RPS6KB1: variants seen among roughly 807,000 people sequenced by gnomAD.
RPS6KB1 encodes ribosomal protein S6 kinase beta-1.
Under a neutral mutation model 70.2 loss-of-function variants are expected in RPS6KB1, and 12 were observed. That is an observed-to-expected ratio of 0.17 (90% CI 0.11 to 0.28). The LOEUF is 0.28. Among genes scored for constraint, RPS6KB1 ranks in the 10% least tolerant of loss-of-function variants. The probability of loss-of-function intolerance (pLI) is 1.00; values close to 1 mark genes in which losing one functional copy is unlikely to be tolerated. For synonymous variants in RPS6KB1, 175 were observed against 211.2 expected (o/e 0.83, Z 1.49); for missense variants, 270 against 646.6 (o/e 0.42, Z 6.32).
Position 59,946,950 on chromosome 17 carries a change from A to G in RPS6KB1, c.*162A>G. ...AAATAAACGTGGATTTTAAAAAATCAATCAATGGTGCAAAAAAAAACTTAA... is the reference window on the plus strand; with the variant it reads ...AAATAAACGTGGATTTTAAAAAATCGATCAATGGTGCAAAAAAAAACTTAA... On this transcript the variant is annotated 3_prime_UTR_variant, in exon 15 of 15. Coordinates refer to ENST00000225577, the MANE Select transcript of RPS6KB1 (RefSeq NM_003161.4). This position sits in a 1 kb window ranked among gnomAD's most constrained non-coding sequence, Gnocchi z 4.2. 6.8e-7 allele frequency: 1 copy of G among 1,462,044 alleles called. No homozygotes were observed. The allele number at this position is 1,462,044 out of a possible 1,614,324, so 90.6% of individuals were successfully genotyped here.
chr17:59,941,023 C>T, intron 13 of RPS6KB1, 80 bp downstream of exon 13: 3 of 849,094 alleles, frequency 3.5e-6, no homozygotes, highest in Non-Finnish European at 5.6e-6. Flanking sequence ...AGTTTGCTTG[C>T]TTTGCAGTTC....
chr17:59,934,610 G>C lies in RPS6KB1; in HGVS notation c.870+86G>C, dbSNP rs1163581799. 2 of 974,990 alleles carry C rather than the reference G, an allele frequency of 2.1e-6. No homozygotes were observed. Among genetic ancestry groups the C allele is most frequent in the Admixed American group, 2.4e-5 (1 of 42,214 alleles). The allele number at this position is 974,990 out of a possible 1,614,324, so 60.4% of individuals were successfully genotyped here. A position where few individuals can be genotyped will look rare whatever the true frequency, so the allele number is the denominator to read the frequency against. On this transcript the variant is annotated intron_variant, in intron 9 of 14. Coordinates refer to ENST00000225577, the MANE Select transcript of RPS6KB1 (RefSeq NM_003161.4). This position sits in a 1 kb window ranked among gnomAD's most constrained non-coding sequence, Gnocchi z 4.8. ...GACCTGTCCTGTGCTTTCTGAACATGTTACCAGTGGAGTTTTCAAAGCCCA... is the reference window on the plus strand; with the variant it reads ...GACCTGTCCTGTGCTTTCTGAACATCTTACCAGTGGAGTTTTCAAAGCCCA...
intron 1 of RPS6KB1, among the ~76,000 whole-genome samples, chr17:59,896,123 TG>T (rs2144649320): frequency 6.6e-6 from 1 of 152,338 alleles, no homozygotes; most frequent in Admixed American, 6.5e-5. Context: ...GGGAGAAAAC[TG>T]GATAGGAAGG....
intron 1 of RPS6KB1, among the ~76,000 whole-genome samples, chr17:59,905,265 C>T (rs1248277176): frequency 6.6e-6 from 1 of 152,120 alleles, no homozygotes; most frequent in African/African-American, 2.4e-5. Context: ...ACCTCAGCCT[C>T]CCAAAGTGTT....
chr17:59,934,958 G>T lies in RPS6KB1; in HGVS notation c.871-235G>T. 2.4e-6 allele frequency: 1 copy of T among 412,660 alleles called. No individual in the cohort carries two copies. Among genetic ancestry groups the T allele is most frequent in the Non-Finnish European group, 4.4e-6 (1 of 227,594 alleles). The allele number at this position is 412,660 out of a possible 1,614,324, so 25.6% of individuals were successfully genotyped here. A position where few individuals can be genotyped will look rare whatever the true frequency, so the allele number is the denominator to read the frequency against. On this transcript the variant is annotated intron_variant, in intron 9 of 14. Transcript: ENST00000225577. The surrounding 1 kb of genome is among the most constrained non-coding windows in gnomAD (Gnocchi z 4.8). Reference sequence around the variant, plus strand: ...CCTAAGCTACTCAGGAGGCTGAGGTGGGAGGATCATTTGAGCTAAGGATTA... The same window carrying T: ...CCTAAGCTACTCAGGAGGCTGAGGTTGGAGGATCATTTGAGCTAAGGATTA...
rs1250713348 is a variant in RPS6KB1 at position 59,948,830 on chromosome 17, A to G, written c.*2042A>G. 2 of 152,546 alleles carry G rather than the reference A, an allele frequency of 1.3e-5. No individual in the cohort carries two copies. Among genetic ancestry groups the G allele is most frequent in the Non-Finnish European group, 2.9e-5 (2 of 67,988 alleles). The allele number at this position is 152,546 out of a possible 1,614,324, so 9.4% of individuals were successfully genotyped here. ...AATTTGTGATGTCTGAAAAAACAGA[A>G]CCCGAAAAGCTATGGTGATATGTAC... is the stretch of plus-strand genomic sequence containing the variant. On this transcript the variant is annotated 3_prime_UTR_variant, in exon 15 of 15. Transcript: ENST00000225577.
intron 10 of RPS6KB1, among the ~76,000 whole-genome samples, chr17:59,935,578 G>A (rs1432024988): frequency 6.6e-6 from 1 of 151,676 alleles, no homozygotes; most frequent in Non-Finnish European, 1.5e-5. Context: ...AGGTTCAAGC[G>A]ATTCTTCCGC....
chr17:59,930,325 G>A (rs2043859878), intron 6 of RPS6KB1, 151 bp downstream of exon 6: 1 of 687,106 alleles, frequency 1.5e-6, no homozygotes, highest in African/African-American at 1.8e-5. Context: ...GGACTGGGCA[G>A]CTATGGAGGT....
chr17:59,906,999 A>G (rs930674141), intron 1 of RPS6KB1: 19 of 137,446 alleles, frequency 1.4e-4, no homozygotes, highest in Non-Finnish European at 2.6e-4. Context: ...GGTCCCTTGC[A>G]TTTCTTCTTT....
chr17:59,934,978 G>T lies in RPS6KB1; in HGVS notation c.871-215G>T. ...GAGGTGGGAGGATCATTTGAGCTAA[G>T]GATTATTAATAGAATCTAGCCTTGA... On this transcript the variant is annotated intron_variant, in intron 9 of 14. Coordinates refer to ENST00000225577, the MANE Select transcript of RPS6KB1 (RefSeq NM_003161.4). The surrounding 1 kb of genome is among the most constrained non-coding windows in gnomAD (Gnocchi z 4.8). 1 of 443,712 alleles carries T rather than the reference G, an allele frequency of 2.3e-6. No homozygotes were observed. 27.5% of individuals were successfully genotyped at this position (443,712 alleles called of 1,614,324 possible). A position where few individuals can be genotyped will look rare whatever the true frequency, so the allele number is the denominator to read the frequency against.
chr17:59,939,194 T>G (rs1487406326), intron 12 of RPS6KB1, among the ~76,000 whole-genome samples: 1 of 152,208 alleles, frequency 6.6e-6, no homozygotes, highest in African/African-American at 2.4e-5. Context: ...TGTGTGTGTG[T>G]TTTTTTCTTT....
chr17:59,902,100 CTTTTTTTTTTTT>C (rs35721755), intron 1 of RPS6KB1, among the ~76,000 whole-genome samples: 1 of 81,608 alleles, frequency 1.2e-5, no homozygotes, highest in Non-Finnish European at 2.1e-5. Context: ...GTGGCTTTCA[CTTTTTTTTTTTT>C]TTTTTTTTTT....
chr17:59,906,674 A>T (rs1420525797), intron 1 of RPS6KB1, among the ~76,000 whole-genome samples: 1 of 150,968 alleles, frequency 6.6e-6, no homozygotes, highest in Non-Finnish European at 1.5e-5. Flanking sequence ...GCTCCTTTGC[A>T]TTTCTTTCTT....
intron 14 of RPS6KB1, among the ~76,000 whole-genome samples, chr17:59,945,811 T>C (rs2044890599): frequency 6.6e-6 from 1 of 152,226 alleles, no homozygotes; most frequent in Non-Finnish European, 1.5e-5. Flanking sequence ...CTGCATGTTA[T>C]GTGTGTGTAT....
At chr17:59,944,066 C>T (rs1432537008) in intron 13 of RPS6KB1, among the ~76,000 whole-genome samples, 1 of 151,994 alleles carries the variant, frequency 6.6e-6, no homozygotes, top group Non-Finnish European at 1.5e-5. Context: ...GATTAAGGCA[C>T]AGCCTGTACC....
intron 5 of RPS6KB1, among the ~76,000 whole-genome samples, chr17:59,928,362 A>G (rs145014294): frequency 1.3e-5 from 2 of 150,606 alleles, no homozygotes; most frequent in Admixed American, 6.7e-5. Flanking sequence ...CTAAAATTTC[A>G]GTGTATGTTT....
At chr17:59,913,873 G>C (rs2042791201) in intron 3 of RPS6KB1, 1 of 152,106 alleles carries the variant, frequency 6.6e-6, no homozygotes. Flanking sequence ...GCTAATTTTT[G>C]TATTTTTAGT....
intron 4 of RPS6KB1, among the ~76,000 whole-genome samples, chr17:59,924,815 A>AT (rs2043503857): frequency 6.7e-6 from 1 of 149,416 alleles, no homozygotes; most frequent in South Asian, 2.1e-4. Context: ...TTTTTATTTT[A>AT]TTTATTTATT....
At chr17:59,917,396 C>T (rs980970526) in intron 4 of RPS6KB1, among the ~76,000 whole-genome samples, 4 of 152,060 alleles carry the variant, frequency 2.6e-5, no homozygotes, top group African/African-American at 9.7e-5. Context: ...GATTGGATTA[C>T]AGGTATGGCC....
Sources: gnomAD v4.1 joint callset for allele counts (sites outside exome capture counted in the v4.1 genomes callset) on GRCh38, gnomAD v4.1.1 for gene constraint, Gnocchi (gnomAD v3.1) non-coding constraint, MANE v1.5 for transcripts, NCBI Gene and HGNC (gene_info 2026-07-23, HGNC 2026-07-21) for gene names.